The following ANO4 variants were observed in gnomAD, a reference collection of about 807,000 sequenced individuals.
The protein encoded by ANO4 is anoctamin-4.
A neutral mutation model predicts 141.9 loss-of-function variants in ANO4; 69 were observed. That is an observed-to-expected ratio of 0.49 (90% CI 0.40 to 0.59). The LOEUF is 0.59. ANO4 is among the 20% of genes least tolerant of loss of function. The probability of loss-of-function intolerance (pLI) is 0.00; values close to 1 mark genes in which losing one functional copy is unlikely to be tolerated. For missense variants in ANO4, 894 were observed against 1,162.2 expected (o/e 0.77, Z 3.36); for synonymous variants, 350 against 394.3 (o/e 0.89, Z 1.33).
chr12:100,947,997 C>T (rs941115623), intron 5 of ANO4, among the ~76,000 whole-genome samples: 3 of 151,874 alleles, frequency 2.0e-5, no homozygotes, highest in Non-Finnish European at 4.4e-5. Flanking sequence ...TCCTGGCTAA[C>T]ATGGTGAAAC....
chr12:101,065,125 G>A (rs2048525269), intron 14 of ANO4, among the ~76,000 whole-genome samples: 1 of 152,054 alleles, frequency 6.6e-6, no homozygotes, highest in South Asian at 2.1e-4. Context: ...AACTTAATAA[G>A]TAAAGAAGAA....
intron 5 of ANO4, among the ~76,000 whole-genome samples, chr12:100,951,257 CTG>C (rs1479447234): frequency 6.6e-6 from 1 of 152,162 alleles, no homozygotes; most frequent in Non-Finnish European, 1.5e-5. Context: ...AGTTCAATCA[CTG>C]TGGAAAGCAG....
intron 1 of ANO4, among the ~76,000 whole-genome samples, chr12:100,847,430 T>C (rs1250635575): frequency 6.6e-6 from 1 of 152,088 alleles, no homozygotes; most frequent in East Asian, 1.9e-4. Flanking sequence ...TCAGAATTAC[T>C]GTGTAATTAT....
At chr12:101,034,438 T>G (rs1167051307) in intron 9 of ANO4, among the ~76,000 whole-genome samples, 1 of 151,844 alleles carries the variant, frequency 6.6e-6, no homozygotes, top group Non-Finnish European at 1.5e-5. Context: ...AATTGAACAA[T>G]GAGAACCTAT....
chr12:100,997,237 G>A (rs1664287882), intron 8 of ANO4, among the ~76,000 whole-genome samples: 1 of 150,762 alleles, frequency 6.6e-6, no homozygotes, highest in South Asian at 2.1e-4. Context: ...TGGAGGCTGA[G>A]GTAGGAGAAT....
intron 1 of ANO4, among the ~76,000 whole-genome samples, chr12:100,721,526 A>G (rs1011520910): frequency 2.0e-5 from 3 of 152,188 alleles, no homozygotes; most frequent in Non-Finnish European, 2.9e-5. Context: ...GGCAGCCACT[A>G]GTAGCATGGT....
At chr12:101,039,705 C>T (rs568013735) in intron 10 of ANO4, among the ~76,000 whole-genome samples, 1 of 152,308 alleles carries the variant, frequency 6.6e-6, no homozygotes, top group South Asian at 2.1e-4. Context: ...TGAAAAGTAG[C>T]AGAATTGAAT....
At chr12:101,094,622 A>G (rs1349027852) in intron 18 of ANO4, among the ~76,000 whole-genome samples, 1 of 152,178 alleles carries the variant, frequency 6.6e-6, no homozygotes, top group Non-Finnish European at 1.5e-5. Flanking sequence ...GCTATTGCCT[A>G]TAATTTTTGT....
chr12:100,749,355 G>T (rs1039021754), intron 3 of ANO4, among the ~76,000 whole-genome samples: 2 of 152,140 alleles, frequency 1.3e-5, no homozygotes, highest in African/African-American at 4.8e-5. Flanking sequence ...GTTGGGAACC[G>T]CCTGGACTTT....
chr12:100,850,682 G>A (rs923057550), intron 1 of ANO4, among the ~76,000 whole-genome samples: 4 of 151,742 alleles, frequency 2.6e-5, no homozygotes, highest in African/African-American at 2.4e-5. Context: ...TTTTAAAATT[G>A]TTGATAAAAA....
intron 14 of ANO4, among the ~76,000 whole-genome samples, chr12:101,075,534 A>G (rs888232472): frequency 2.0e-5 from 3 of 151,660 alleles, no homozygotes; most frequent in African/African-American, 7.3e-5. Context: ...AAAAAAAAAA[A>G]CACTTGACAA....
At chr12:100,837,557 C>G (rs1406712242) in intron 1 of ANO4, among the ~76,000 whole-genome samples, 1 of 152,014 alleles carries the variant, frequency 6.6e-6, no homozygotes, top group East Asian at 1.9e-4. Context: ...AGGAGGATTG[C>G]TTGAGCCCAG....
chr12:101,069,925 G>A (rs984801526), intron 14 of ANO4, among the ~76,000 whole-genome samples: 5 of 152,032 alleles, frequency 3.3e-5, no homozygotes, highest in African/African-American at 1.2e-4. Flanking sequence ...GGGAGGTGAT[G>A]GGGGGAGAGG....
At chr12:101,088,013 G>T (rs1328840249) in intron 17 of ANO4, among the ~76,000 whole-genome samples, 1 of 152,148 alleles carries the variant, frequency 6.6e-6, no homozygotes, top group Non-Finnish European at 1.5e-5. Flanking sequence ...ATGTAAGTCA[G>T]TTCACATGGC....
intron 1 of ANO4, among the ~76,000 whole-genome samples, chr12:100,873,417 G>A (rs553700972): frequency 6.6e-6 from 1 of 152,254 alleles, no homozygotes; most frequent in South Asian, 2.1e-4. Context: ...AGGCTGGGGA[G>A]GTCTCAGATG....
intron 9 of ANO4, 142 bp from the exon 10 acceptor site, chr12:101,036,953 C>A (rs1021263029): frequency 1.2e-5 from 8 of 663,146 alleles, no homozygotes; most frequent in African/African-American, 3.6e-5. Flanking sequence ...GGCAGCAGAG[C>A]TTTTTTTCTA....
intron 3 of ANO4, among the ~76,000 whole-genome samples, chr12:100,765,128 C>T (rs1016343945): frequency 2.0e-5 from 3 of 152,124 alleles, no homozygotes; most frequent in Non-Finnish European, 2.9e-5. Context: ...CTGATTCAAT[C>T]TCCTTTCTTG....
chr12:100,745,994 A>G (rs1211234184), intron 3 of ANO4, among the ~76,000 whole-genome samples: 3 of 152,254 alleles, frequency 2.0e-5, no homozygotes, highest in Admixed American at 6.5e-5. Flanking sequence ...CAGCAGCTTG[A>G]TATCTTCAAA....
intron 4 of ANO4, 35 bp downstream of exon 4, chr12:100,939,486 T>C: frequency 6.2e-7 from 1 of 1,607,048 alleles, no homozygotes; most frequent in African/African-American, 1.3e-5. Context: ...ATGTAATTCG[T>C]GATCCAGGCA....
Sources: gnomAD v4.1 joint callset for allele counts (sites outside exome capture counted in the v4.1 genomes callset) on GRCh38, gnomAD v4.1.1 for gene constraint, MANE v1.5 for transcripts, NCBI Gene and HGNC (gene_info 2026-07-23, HGNC 2026-07-21) for gene names.